GALNT7: variants seen among roughly 807,000 people sequenced by gnomAD.
GALNT7 encodes the protein polypeptide N-acetylgalactosaminyltransferase 7, also known as N-acetylgalactosaminyltransferase 7.
GALNT7 carries 60 observed loss-of-function variants against 82.1 expected under a neutral mutation model. The ratio of observed to expected loss-of-function variants is 0.73; its 90% CI spans 0.59 to 0.91. The LOEUF (loss-of-function observed/expected upper bound fraction) is 0.91, where lower values mean the gene tolerates loss of function less well. GALNT7 is among the 40% of genes least tolerant of loss of function. The pLI is 0.00. For synonymous variants in GALNT7, 243 were observed against 275.1 expected (o/e 0.88, Z 1.15); for missense variants, 660 against 804.2 (o/e 0.82, Z 2.17).
intron 1 of GALNT7, among the ~76,000 whole-genome samples, chr4:173,194,718 C>A (rs1732725564): frequency 6.6e-6 from 1 of 152,026 alleles, no homozygotes; most frequent in Non-Finnish European, 1.5e-5. Context: ...TATGCATGTG[C>A]CATGTTGGTG....
chr4:173,199,738 T>G (rs1732883376), intron 1 of GALNT7, among the ~76,000 whole-genome samples: 1 of 152,206 alleles, frequency 6.6e-6, no homozygotes, highest in Non-Finnish European at 1.5e-5. Flanking sequence ...TTATCTCTGG[T>G]TGTCTTCCAG....
intron 1 of GALNT7, among the ~76,000 whole-genome samples, chr4:173,183,862 G>C (rs1165665617): frequency 2.3e-4 from 35 of 150,634 alleles, no homozygotes; most frequent in Admixed American, 2.2e-3. Context: ...GCCGGGCGGA[G>C]ACGCTCATCA....
At chr4:173,248,540 G>A in intron 2 of GALNT7, 100 bp downstream of exon 2, 1 of 737,528 alleles carries the variant, frequency 1.4e-6, no homozygotes, top group Non-Finnish European at 2.2e-6. Flanking sequence ...AATTATTGAT[G>A]CCTTTATTTC....
At chr4:173,179,797 A>G (rs1208591133) in intron 1 of GALNT7, among the ~76,000 whole-genome samples, 2 of 148,480 alleles carry the variant, frequency 1.3e-5, no homozygotes, top group Non-Finnish European at 3.1e-5. Flanking sequence ...TAGAAAACAA[A>G]ACAAAACAAA....
rs569850213 is a variant in GALNT7 at position 173,299,857 on chromosome 4, A to C, written c.1148+1560A>C. ...TAAGACTTGGTCTCAAAAACAAAAA[A>C]AAAAAGACACAGCTATAACGGAATA... On this transcript the variant is annotated intron_variant, in intron 6 of 11. Coordinates refer to ENST00000265000, the MANE Select transcript of GALNT7 (RefSeq NM_017423.3). Among the ~76,000 whole-genome samples, 8 of 152,246 alleles carry C rather than the reference A, an allele frequency of 5.3e-5. No homozygotes were observed. In the East Asian group the frequency reaches 1.5e-3, roughly 29 times the overall value.
chr4:173,186,296 T>G (rs1183361383), intron 1 of GALNT7, among the ~76,000 whole-genome samples: 1 of 152,202 alleles, frequency 6.6e-6, no homozygotes, highest in Non-Finnish European at 1.5e-5. Context: ...AAATAAAAGC[T>G]GACATCATTA....
chr4:173,299,115 T>C (rs1736822894), intron 6 of GALNT7, among the ~76,000 whole-genome samples: 1 of 152,212 alleles, frequency 6.6e-6, no homozygotes, highest in Non-Finnish European at 1.5e-5. Context: ...GCTTTTGGTC[T>C]CTCTCTCCCT....
chr4:173,210,322 C>T (rs1475330710), intron 1 of GALNT7, among the ~76,000 whole-genome samples: 1 of 151,988 alleles, frequency 6.6e-6, no homozygotes, highest in Non-Finnish European at 1.5e-5. Flanking sequence ...GAATTTCATC[C>T]GTCGGAAATT....
At chr4:173,173,539 TG>T in intron 1 of GALNT7, among the ~76,000 whole-genome samples, 1 of 151,962 alleles carries the variant, frequency 6.6e-6, no homozygotes, top group East Asian at 1.9e-4. Context: ...CTGGGGGAGT[TG>T]GGTTGGGTGG....
At position 173,248,413 on chromosome 4, in the gene GALNT7, G is replaced by T. The variant is rs752654045; in HGVS notation, c.560G>T (p.Arg187Leu). ...GCAAGTGACATGATCTCACTGGACCGCAGCGTCAATGACTTACGCCAAGAA... is the reference window on the plus strand; with the variant it reads ...GCAAGTGACATGATCTCACTGGACCTCAGCGTCAATGACTTACGCCAAGAA... Reference protein sequence around the residue: ...MVASDMISLDRSVNDLRQEEC... With the variant: ...MVASDMISLDLSVNDLRQEEC... The change falls in exon 2 of 12, where the codon CGC (arginine) becomes CTC (leucine). Residue 187 changes from arginine to leucine, a missense_variant. Around this residue, in one of 2 missense-constraint regions of GALNT7, gnomAD observed 527 missense variants for 683.5 expected, o/e 0.77. Coordinates refer to ENST00000265000, the MANE Select transcript of GALNT7 (RefSeq NM_017423.3). The T allele has an allele frequency of 4.3e-6, 7 of 1,609,380 alleles. No individual in the cohort carries two copies. Among genetic ancestry groups the T allele is most frequent in the Non-Finnish European group, 5.9e-6 (7 of 1,177,316 alleles).
intron 1 of GALNT7, among the ~76,000 whole-genome samples, chr4:173,246,477 C>T (rs1248621610): frequency 6.6e-6 from 1 of 152,074 alleles, no homozygotes; most frequent in East Asian, 1.9e-4. Context: ...TGTAATTACC[C>T]CTGCAGAAGG....
At chr4:173,305,063 T>C (rs1737099285) in intron 8 of GALNT7, among the ~76,000 whole-genome samples, 2 of 152,148 alleles carry the variant, frequency 1.3e-5, no homozygotes. Flanking sequence ...GATCAGATGA[T>C]AGTTCTATTT....
chr4:173,242,803 G>C (rs1411898247), intron 1 of GALNT7, among the ~76,000 whole-genome samples: 1 of 152,184 alleles, frequency 6.6e-6, no homozygotes, highest in African/African-American at 2.4e-5. Flanking sequence ...TGAATTTCTG[G>C]AGCTTATTTA....
At chr4:173,245,025 C>A (rs1348424823) in intron 1 of GALNT7, among the ~76,000 whole-genome samples, 1 of 151,790 alleles carries the variant, frequency 6.6e-6, no homozygotes, top group Non-Finnish European at 1.5e-5. Flanking sequence ...GAAGAAGTTG[C>A]CTGTAAGGTT....
intron 2 of GALNT7, among the ~76,000 whole-genome samples, chr4:173,271,939 C>G (rs1256891824): frequency 6.6e-6 from 1 of 152,150 alleles, no homozygotes; most frequent in African/African-American, 2.4e-5. Context: ...TTTATTTCAT[C>G]CATCCTTTAT....
intron 8 of GALNT7, 143 bp from the exon 9 acceptor site, chr4:173,313,815 C>G (rs1737480771): frequency 5.3e-6 from 2 of 376,138 alleles, no homozygotes. Context: ...CATTAACTTG[C>G]ATTTGTTGTT....
intron 1 of GALNT7, among the ~76,000 whole-genome samples, chr4:173,178,616 A>C (rs1252539477): frequency 2.0e-5 from 3 of 152,208 alleles, no homozygotes; most frequent in Non-Finnish European, 4.4e-5. Flanking sequence ...CACTCCCAAG[A>C]AGCATTTAAA....
chr4:173,294,742 A>G (rs556562570), intron 3 of GALNT7, among the ~76,000 whole-genome samples: 2 of 152,278 alleles, frequency 1.3e-5, no homozygotes, highest in Admixed American at 1.3e-4. Flanking sequence ...TTATAACACA[A>G]AACTTCCTCT....
intron 1 of GALNT7, among the ~76,000 whole-genome samples, chr4:173,175,172 C>T (rs976163180): frequency 1.9e-4 from 29 of 152,234 alleles, no homozygotes; most frequent in African/African-American, 4.8e-4. Context: ...TTTTGAATTT[C>T]GATTCTCATT....
Sources: gnomAD v4.1 joint callset for allele counts (sites outside exome capture counted in the v4.1 genomes callset) on GRCh38, gnomAD v4.1.1 for gene constraint, gnomAD v4.1.1 regional missense constraint, MANE v1.5 for transcripts, NCBI Gene and HGNC (gene_info 2026-07-23, HGNC 2026-07-21) for gene names.